The following WLS variants were observed in gnomAD, a reference collection of about 807,000 sequenced individuals.
The protein encoded by WLS is protein wntless homolog.
In WLS, 23 loss-of-function variants were observed where a neutral mutation model predicts 62.8. The ratio of observed to expected loss-of-function variants is 0.37; its 90% CI spans 0.26 to 0.52. WLS has a LOEUF of 0.52. Among genes scored for constraint, WLS ranks in the 20% least tolerant of loss-of-function variants. The pLI is 0.92. For synonymous variants in WLS, 246 were observed against 244.1 expected (o/e 1.01, Z -0.07); for missense variants, 615 against 697.3 (o/e 0.88, Z 1.33).
chr1:68,160,809 T>C (rs1361313634), intron 2 of WLS, among the ~76,000 whole-genome samples: 1 of 152,168 alleles, frequency 6.6e-6, no homozygotes, highest in Admixed American at 6.5e-5. Context: ...AGGCAATGAT[T>C]CACAAAAGAC....
chr1:68,200,622 C>A (rs1055235418), intron 1 of WLS, among the ~76,000 whole-genome samples: 8 of 150,504 alleles, frequency 5.3e-5, no homozygotes, highest in African/African-American at 1.2e-4. Context: ...GAAATATAAG[C>A]TCCTCAAACT....
At chr1:68,161,687 A>G (rs1646976055) in intron 2 of WLS, 1 of 1,132,230 alleles carries the variant, frequency 8.8e-7, no homozygotes, top group Non-Finnish European at 1.3e-6. Flanking sequence ...TTTTTCTCTT[A>G]GTTCATCATT....
intron 1 of WLS, among the ~76,000 whole-genome samples, chr1:68,207,772 A>G (rs983726837): frequency 2.6e-5 from 4 of 152,250 alleles, no homozygotes; most frequent in Non-Finnish European, 5.9e-5. Context: ...AAAGTGTACT[A>G]AAAGGTACTC....
chr1:68,203,222 C>T (rs1246212180), intron 1 of WLS, among the ~76,000 whole-genome samples: 1 of 152,196 alleles, frequency 6.6e-6, no homozygotes, highest in African/African-American at 2.4e-5. Context: ...ATTGCATATT[C>T]AGAAGATCAG....
At chr1:68,224,287 G>A (rs974833611) in intron 1 of WLS, among the ~76,000 whole-genome samples, 1 of 152,186 alleles carries the variant, frequency 6.6e-6, no homozygotes, top group East Asian at 1.9e-4. Flanking sequence ...AGTTTTGGGG[G>A]ATTGGGTGAC....
intron 2 of WLS, among the ~76,000 whole-genome samples, chr1:68,168,400 C>T (rs1557492506): frequency 6.6e-6 from 1 of 152,140 alleles, no homozygotes; most frequent in Non-Finnish European, 1.5e-5. Flanking sequence ...ACCTGAACAA[C>T]CTTGAATAAG....
chr1:68,164,120 G>A (rs1647026503), intron 2 of WLS, among the ~76,000 whole-genome samples: 1 of 152,104 alleles, frequency 6.6e-6, no homozygotes, highest in Admixed American at 6.5e-5. Context: ...TTTATCCTCA[G>A]TTAAACATAG....
intron 1 of WLS, among the ~76,000 whole-genome samples, chr1:68,209,735 T>G (rs946895895): frequency 1.3e-4 from 20 of 151,672 alleles, no homozygotes; most frequent in African/African-American, 4.9e-4. Context: ...GAGCCAAGAT[T>G]GCACAATTGC....
intron 1 of WLS, among the ~76,000 whole-genome samples, chr1:68,212,626 T>G (rs1404805313): frequency 1.3e-5 from 2 of 152,202 alleles, no homozygotes; most frequent in African/African-American, 4.8e-5. Flanking sequence ...TTACCTAATA[T>G]TTTCATCTTA....
At chr1:68,104,497 C>T (rs1646119311) in intron 11 of WLS, among the ~76,000 whole-genome samples, 1 of 133,156 alleles carries the variant, frequency 7.5e-6, no homozygotes, top group Non-Finnish European at 1.7e-5. Context: ...TTTGTAGGTG[C>T]AATATCATAT....
rs112451014 is a variant in WLS at position 68,160,632 on chromosome 1, T to C, written c.380-1385A>G. On this transcript the variant is annotated intron_variant, in intron 2 of 11. Coordinates refer to ENST00000262348, the MANE Select transcript of WLS (RefSeq NM_024911.7). ...AAAACTGCAGTGAATGCTAAATGTC[T>C]ACGTTTACAATAAACAAATACAGTA... 3.3e-4 allele frequency among the ~76,000 whole-genome samples: 50 copies of C among 152,340 alleles called. 1 individual carries two copies. Among genetic ancestry groups the C allele is most frequent in the African/African-American group, 1.2e-3 (50 of 41,592 alleles).
At chr1:68,157,088 G>A (rs1381122676) in intron 3 of WLS, among the ~76,000 whole-genome samples, 1 of 152,206 alleles carries the variant, frequency 6.6e-6, no homozygotes, top group African/African-American at 2.4e-5. Flanking sequence ...CCTGCCCAAA[G>A]GCAGGCATTG....
chr1:68,221,153 G>A (rs188047205), intron 1 of WLS, among the ~76,000 whole-genome samples: 1 of 152,056 alleles, frequency 6.6e-6, no homozygotes, highest in Non-Finnish European at 1.5e-5. Context: ...CATTCTCATA[G>A]AGCAAAGCTC....
intron 11 of WLS, among the ~76,000 whole-genome samples, chr1:68,099,404 C>CT (rs1454032786): frequency 6.6e-6 from 1 of 152,104 alleles, no homozygotes; most frequent in Non-Finnish European, 1.5e-5. Flanking sequence ...TGAGAAGTAA[C>CT]TGGGTTGTCA....
At chr1:68,227,364 C>T (rs1158026340) in intron 1 of WLS, among the ~76,000 whole-genome samples, 1 of 145,258 alleles carries the variant, frequency 6.9e-6, no homozygotes, top group African/African-American at 2.5e-5. Flanking sequence ...TTGCAGTGAG[C>T]CATTGCACTT....
rs949375874 is a variant in WLS, at chr1:68,231,838, G to C, written c.106+356C>G. 2.3e-5 allele frequency: 10 copies of C among 428,534 alleles called. No homozygotes were observed. In the Admixed American group the frequency reaches 3.5e-4, roughly 15 times the overall value. 26.5% of individuals were successfully genotyped at this position (428,534 alleles called of 1,614,324 possible). On this transcript the variant is annotated intron_variant, in intron 1 of 11. Transcript: ENST00000262348. ...TTGGAAGGGAACCGAGAGGAAAAGG[G>C]GGGGAACGCGGGAAAAAGCGGGGGG... is the stretch of plus-strand genomic sequence containing the variant.
At chr1:68,098,545 G>A (rs1344876788) in exon 12 of WLS, 18 of 1,540,246 alleles carry the variant, frequency 1.2e-5, no homozygotes, top group Middle Eastern at 1.7e-4. Flanking sequence ...GGCTAAATGA[G>A]TGTATTTGTG....
chr1:68,167,392 G>A (rs1055718107), intron 2 of WLS, among the ~76,000 whole-genome samples: 2 of 152,162 alleles, frequency 1.3e-5, no homozygotes, highest in Admixed American at 1.3e-4. Context: ...AGTGGACTTG[G>A]AAATAAAGTT....
At chr1:68,189,578 A>C (rs1201431079) in intron 2 of WLS, among the ~76,000 whole-genome samples, 2 of 152,218 alleles carry the variant, frequency 1.3e-5, no homozygotes, top group Non-Finnish European at 2.9e-5. Flanking sequence ...CCTGTGGATA[A>C]GGAAGACTTA....
Sources: gnomAD v4.1 joint callset for allele counts (sites outside exome capture counted in the v4.1 genomes callset) on GRCh38, gnomAD v4.1.1 for gene constraint, MANE v1.5 for transcripts, NCBI Gene and HGNC (gene_info 2026-07-23, HGNC 2026-07-21) for gene names.